Variants in SMG6 observed in about 807,000 individuals in gnomAD.
SMG6 encodes SMG6 nonsense mediated mRNA decay factor.
Under a neutral mutation model 142.2 loss-of-function variants are expected in SMG6, and 66 were observed. The observed-to-expected ratio is 0.46, with a 90% CI of 0.38 to 0.57. The LOEUF (loss-of-function observed/expected upper bound fraction) is 0.57, where lower values mean the gene tolerates loss of function less well. Ranked by LOEUF, SMG6 falls within the 20% of genes least tolerant of loss-of-function variation. The pLI is 0.00. For missense variants in SMG6, 1,793 were observed against 1,832.0 expected, an observed-to-expected ratio of 0.98 and a Z score of 0.39; for synonymous variants, 779 against 702.4, an observed-to-expected ratio of 1.11 and a Z score of -1.72.
chr17:2,072,249 C>T (rs2068124573), intron 15 of SMG6, among the ~76,000 whole-genome samples: 1 of 152,170 alleles, frequency 6.6e-6, no homozygotes. Flanking sequence ...GTCAAGCGTG[C>T]TGACCCGGAA....
rs527809311 is a variant in SMG6, at chr17:2,161,645, C to A, written c.3357+11013G>T. On this transcript the variant is annotated intron_variant, in intron 13 of 18. Transcript: ENST00000263073. ...CTTATATTTTTGCCCTTGAACACAC[C>A]TCCTAAATGATGTAGATAAGACTAC... is the stretch of plus-strand genomic sequence containing the variant. Among the ~76,000 whole-genome samples, 7 of 151,974 alleles carry A rather than the reference C, an allele frequency of 4.6e-5. No homozygotes were observed. In the South Asian group the frequency reaches 1.2e-3, roughly 27 times the overall value.
chr17:2,105,978 C>A (rs2069145470), intron 13 of SMG6, among the ~76,000 whole-genome samples: 1 of 152,228 alleles, frequency 6.6e-6, no homozygotes, highest in South Asian at 2.1e-4. Context: ...CCTCCTGATA[C>A]TTGGCACCCA....
chr17:2,258,962 C>T (rs1258257741), intron 8 of SMG6, among the ~76,000 whole-genome samples: 2 of 151,976 alleles, frequency 1.3e-5, no homozygotes, highest in East Asian at 3.9e-4. Flanking sequence ...CCTGTAATCC[C>T]AGCTAGTTGG....
intron 14 of SMG6, among the ~76,000 whole-genome samples, chr17:2,083,779 T>C (rs929358320): frequency 6.6e-6 from 1 of 152,172 alleles, no homozygotes; most frequent in African/African-American, 2.4e-5. Context: ...TGAAGTGAGC[T>C]TGACTGAGGT....
rs187471795 is a variant in SMG6 at position 2,159,277 on chromosome 17, T to C, written c.3357+13381A>G. On this transcript the variant is annotated intron_variant, in intron 13 of 18. Transcript: ENST00000263073. ...CTCTGCTAAAAATATGTAAAAAAAT[T>C]AGGTGGGTGTGTGGTGGCATGCTAC... 7.2e-5 allele frequency among the ~76,000 whole-genome samples: 11 copies of C among 151,822 alleles called. No individual in the cohort carries two copies. The East Asian group carries it at 2.1e-3, about 30-fold the overall frequency.
chr17:2,242,356 CAAAAAAAAA>C (rs57062488), intron 9 of SMG6, among the ~76,000 whole-genome samples: 3,839 of 73,676 alleles, frequency 0.052, 87 homozygotes, highest in South Asian at 0.13. Flanking sequence ...ACTGAAGATA[CAAAAAAAAA>C]AAAAAAAAAA....
At position 2,186,665 on chromosome 17, in the gene SMG6, C is replaced by G. The variant is rs758615409; in HGVS notation, c.3153G>C (p.Ser1051=). ...AAGCAATGGGCAGGTCAACTCACTGCGAGGGCAGATCCAGGGATGTGGGAG... is the reference window on the plus strand; with the variant it reads ...AAGCAATGGGCAGGTCAACTCACTGGGAGGGCAGATCCAGGGATGTGGGAG... ...NPPPTSLDLP[S]HVAVDVWSTL... is the part of the protein sequence containing the mutation. Residue 1051 remains serine, a splice_region_variant and synonymous_variant, in exon 12 of 19, where the codon TCG becomes TCC. Coordinates refer to ENST00000263073, the MANE Select transcript of SMG6 (RefSeq NM_017575.5). The G allele has an allele frequency of 2.5e-5, 40 of 1,613,962 alleles. No individual in the cohort carries two copies. The South Asian group carries it at 4.2e-4, about 17-fold the overall frequency.
intron 13 of SMG6, among the ~76,000 whole-genome samples, chr17:2,100,857 G>C (rs1244375591): frequency 2.0e-5 from 3 of 150,920 alleles, no homozygotes; most frequent in Admixed American, 1.3e-4. Flanking sequence ...AGAATGTATT[G>C]CACAGGCTGG....
At chr17:2,173,664 G>A (rs538364005) in intron 12 of SMG6, among the ~76,000 whole-genome samples, 2 of 152,104 alleles carry the variant, frequency 1.3e-5, no homozygotes, top group Non-Finnish European at 2.9e-5. Flanking sequence ...TCCTAATTGC[G>A]TATCACCAGG....
At chr17:2,066,823 C>T (rs1027333803) in intron 16 of SMG6, among the ~76,000 whole-genome samples, 4 of 152,180 alleles carry the variant, frequency 2.6e-5, no homozygotes, top group African/African-American at 9.7e-5. Context: ...TATTCTATCC[C>T]AAAATCTGCT....
chr17:2,273,947 T>C (rs2074594910), intron 8 of SMG6, among the ~76,000 whole-genome samples: 1 of 152,252 alleles, frequency 6.6e-6, no homozygotes, highest in African/African-American at 2.4e-5. Flanking sequence ...ATTTATTGAA[T>C]GTATAGAACA....
chr17:2,147,082 C>T (rs976552795), intron 13 of SMG6, among the ~76,000 whole-genome samples: 14 of 152,028 alleles, frequency 9.2e-5, no homozygotes, highest in Non-Finnish European at 1.9e-4. Context: ...AGTTTTTGTT[C>T]GTTTGGTTTA....
At chr17:2,119,722 C>T (rs371633211) in intron 13 of SMG6, among the ~76,000 whole-genome samples, 16 of 152,118 alleles carry the variant, frequency 1.1e-4, no homozygotes, top group African/African-American at 3.6e-4. Context: ...AGTGCAGTGG[C>T]GTGATCTCGG....
chr17:2,066,765 G>A (rs1295321341), intron 16 of SMG6, among the ~76,000 whole-genome samples: 2 of 151,850 alleles, frequency 1.3e-5, no homozygotes. Context: ...GGAAGCAGTG[G>A]TAGATGGGTG....
chr17:2,184,245 C>T (rs778750194), intron 12 of SMG6, among the ~76,000 whole-genome samples: 15 of 152,080 alleles, frequency 9.9e-5, no homozygotes, highest in Non-Finnish European at 1.9e-4. Context: ...TACCTGTAAT[C>T]CCAGCCACTT....
chr17:2,103,665 G>A (rs773755294), intron 13 of SMG6, among the ~76,000 whole-genome samples: 3 of 152,254 alleles, frequency 2.0e-5, no homozygotes, highest in East Asian at 1.9e-4. Flanking sequence ...GCTGGCTCTC[G>A]CCCCACGCTC....
intron 7 of SMG6, among the ~76,000 whole-genome samples, chr17:2,283,242 C>T (rs150006845): frequency 4.6e-5 from 7 of 152,276 alleles, no homozygotes; most frequent in African/African-American, 1.2e-4. Context: ...CTCACCTCAC[C>T]GGTATTTATT....
intron 18 of SMG6, chr17:2,062,464 T>C (rs2067810870): frequency 6.6e-6 from 1 of 152,162 alleles, no homozygotes; most frequent in Non-Finnish European, 1.5e-5. Context: ...AAGGTCTTGC[T>C]ATAGTGGCAC....
chr17:2,260,382 G>C (rs914690648), intron 8 of SMG6, among the ~76,000 whole-genome samples: 1 of 152,228 alleles, frequency 6.6e-6, no homozygotes, highest in Non-Finnish European at 1.5e-5. Flanking sequence ...CTGTTGGTGA[G>C]AGACTCAGTT....
Sources: gnomAD v4.1 joint callset for allele counts (sites outside exome capture counted in the v4.1 genomes callset) on GRCh38, gnomAD v4.1.1 for gene constraint, MANE v1.5 for transcripts, NCBI Gene and HGNC (gene_info 2026-07-23, HGNC 2026-07-21) for gene names.